ZNF469: variants seen among roughly 807,000 people sequenced by gnomAD.
The protein encoded by ZNF469 is zinc finger protein 469.
ZNF469 carries 1 observed loss-of-function variant against 1.0 expected under a neutral mutation model. The ratio of observed to expected loss-of-function variants is 1.00; its 90% CI spans 0.35 to 4.73. The LOEUF is 4.73. Among genes scored for constraint, ZNF469 ranks in the 30% most tolerant of loss-of-function variants. ZNF469 has a pLI of 0.16. For missense variants in ZNF469, 6,100 were observed against 5,356.3 expected, an observed-to-expected ratio of 1.14 and a Z score of -4.33; for synonymous variants, 2,703 against 2,363.4, an observed-to-expected ratio of 1.14 and a Z score of -4.17.
At chr16:88,166,809 A>G in the ZNF469 span, among the ~76,000 whole-genome samples, 250 of 152,242 alleles carry the variant, frequency 1.6e-3, 2 homozygotes, top group South Asian at 2.1e-3. This position sits in a 1 kb window ranked among gnomAD's most constrained non-coding sequence, Gnocchi z 4.5. Flanking sequence ...ACAAATACAT[A>G]TAAATGTATA....
chr16:88,303,250 TATTA>T, the ZNF469 span, among the ~76,000 whole-genome samples: 6 of 152,376 alleles, frequency 3.9e-5, no homozygotes, highest in Admixed American at 3.3e-4. Context: ...GGTGATCATT[TATTA>T]ATTAATTAAA....
At chr16:88,133,566 C>T in the ZNF469 span, among the ~76,000 whole-genome samples, 1 of 151,766 alleles carries the variant, frequency 6.6e-6, no homozygotes, top group African/African-American at 2.4e-5. Flanking sequence ...ACAGATTTAA[C>T]CAATAAGTTC....
the ZNF469 span, among the ~76,000 whole-genome samples, chr16:88,345,412 G>A: frequency 6.6e-6 from 1 of 152,186 alleles, no homozygotes; most frequent in Admixed American, 6.5e-5. Flanking sequence ...GCTCCGTGTG[G>A]CCCAGGGCTT....
At chr16:88,133,968 G>A in the ZNF469 span, among the ~76,000 whole-genome samples, 4 of 152,148 alleles carry the variant, frequency 2.6e-5, no homozygotes, top group Admixed American at 2.0e-4. Context: ...GGTGGTGGGC[G>A]CCTGTCATCC....
At chr16:88,205,609 C>G in the ZNF469 span, among the ~76,000 whole-genome samples, 2 of 152,152 alleles carry the variant, frequency 1.3e-5, no homozygotes, top group African/African-American at 4.8e-5. This position sits in a 1 kb window ranked among gnomAD's most constrained non-coding sequence, Gnocchi z 4.2. Flanking sequence ...CACACACAAG[C>G]AAAGAGAGGG....
At chr16:88,184,483 T>C in the ZNF469 span, among the ~76,000 whole-genome samples, 2 of 151,854 alleles carry the variant, frequency 1.3e-5, no homozygotes, top group African/African-American at 4.8e-5. Flanking sequence ...TTTCCTCTGC[T>C]CCTGGCGTTC....
chr16:88,170,309 C>T, the ZNF469 span, among the ~76,000 whole-genome samples: 1 of 152,174 alleles, frequency 6.6e-6, no homozygotes. This position sits in a 1 kb window ranked among gnomAD's most constrained non-coding sequence, Gnocchi z 4.2. Flanking sequence ...ATGCTTAGGA[C>T]CTGCTCTTCT....
chr16:88,346,643 G>A, the ZNF469 span, among the ~76,000 whole-genome samples: 16 of 152,190 alleles, frequency 1.1e-4, no homozygotes, highest in South Asian at 1.9e-3. Context: ...TCTGCCTCCC[G>A]AGTAGCTGGG....
chr16:88,225,589 C>G, the ZNF469 span, among the ~76,000 whole-genome samples: 2 of 135,762 alleles, frequency 1.5e-5, no homozygotes, highest in East Asian at 4.3e-4. Context: ...CAGCCTGTGT[C>G]TGTGGCCCCC....
the ZNF469 span, among the ~76,000 whole-genome samples, chr16:88,158,171 G>T: frequency 6.8e-4 from 103 of 152,120 alleles, 1 homozygote; most frequent in East Asian, 0.015. Context: ...TCCCCTGGGG[G>T]TGCTGCTGCT....
At chr16:88,143,074 C>T in the ZNF469 span, among the ~76,000 whole-genome samples, 1 of 152,192 alleles carries the variant, frequency 6.6e-6, no homozygotes, top group African/African-American at 2.4e-5. Context: ...AGATGGGGCC[C>T]CAGGCACTTC....
In ZNF469 at chr16:88,437,552, C is replaced by G; in HGVS notation, c.10082C>G (p.Pro3361Arg). ...KLQRHLAVHS[P>R]QRVYLCPRCP... ...CAGCGCCACCTGGCGGTGCACAGCC[C>G]GCAGCGCGTCTACCTGTGCCCCCGG... is the stretch of plus-strand genomic sequence containing the variant. The change falls in exon 3 of 3, where the codon CCG (proline) becomes CGG (arginine). Residue 3361 changes from proline (P) to arginine (R), a missense_variant. Physicochemically the swap from Pro to Arg is moderately radical, Grantham distance 103 (BLOSUM62 -2). Transcript: ENST00000565624. The G allele has an allele frequency of 6.5e-7, 1 of 1,539,914 alleles. No individual in the cohort carries two copies. The highest frequency in any genetic ancestry group is 8.8e-7 in the Non-Finnish European group (1 of 1,139,644).
the ZNF469 span, among the ~76,000 whole-genome samples, chr16:88,188,678 C>T: frequency 6.6e-6 from 1 of 152,184 alleles, no homozygotes; most frequent in Non-Finnish European, 1.5e-5. Context: ...ATGGCCAGTG[C>T]CACGGGTCTC....
At chr16:88,268,191 A>G in the ZNF469 span, among the ~76,000 whole-genome samples, 1 of 151,872 alleles carries the variant, frequency 6.6e-6, no homozygotes, top group Admixed American at 6.6e-5. Flanking sequence ...AGAATTTTCT[A>G]TTTCTAGGAC....
At chr16:88,248,690 C>T in the ZNF469 span, among the ~76,000 whole-genome samples, 2 of 152,156 alleles carry the variant, frequency 1.3e-5, no homozygotes, top group African/African-American at 4.8e-5. Context: ...CATCATGGAA[C>T]TTTGGAGTTA....
the ZNF469 span, among the ~76,000 whole-genome samples, chr16:88,340,405 G>C: frequency 1.2e-4 from 19 of 152,210 alleles, no homozygotes; most frequent in Admixed American, 1.2e-3. Context: ...GACATGAACA[G>C]GTGTCATGGG....
At chr16:88,166,779 A>ACACACACT in the ZNF469 span, among the ~76,000 whole-genome samples, 2 of 151,418 alleles carry the variant, frequency 1.3e-5, 1 homozygote, top group South Asian at 4.2e-4. This position sits in a 1 kb window ranked among gnomAD's most constrained non-coding sequence, Gnocchi z 4.5. Flanking sequence ...ATAAACACAC[A>ACACACACT]CACACACACA....
chr16:88,438,242 T>C lies in ZNF469; in HGVS notation c.10772T>C (p.Leu3591Pro). 1.3e-6 allele frequency: 2 copies of C among 1,547,224 alleles called. No individual in the cohort carries two copies. Among genetic ancestry groups the C allele is most frequent in the East Asian group, 2.5e-5 (1 of 40,754 alleles). The change falls in exon 3 of 3, where the codon CTC (leucine) becomes CCC (proline). Residue 3591 changes from leucine (L) to proline (P), a missense_variant. By Grantham distance (98) the Leu-to-Pro change is moderately conservative. Coordinates refer to ENST00000565624, the MANE Select transcript of ZNF469 (RefSeq NM_001367624.2). ...EASPGSPGPLLQQALPLGASL... is the reference protein window; with the variant it reads ...EASPGSPGPLPQQALPLGASL... The stretch of plus-strand genomic sequence containing the variant: ...TCCCCAGGCAGCCCCGGGCCTCTTC[T>C]CCAGCAAGCTCTCCCTCTGGGGGCA...
Position 88,431,205 on chromosome 16 carries a change from G to C in ZNF469, c.3735G>C (p.Leu1245Phe), listed in dbSNP as rs1906152468. The change falls in exon 3 of 3, where the codon TTG (leucine) becomes TTC (phenylalanine). Residue 1245 changes from leucine (L) to phenylalanine (F), a missense_variant. Physicochemically the swap from Leu to Phe is conservative, Grantham distance 22 (BLOSUM62 0). Transcript: ENST00000565624. Reference protein sequence around the residue: ...APDSTEFTEALRSPPAACAGE... With the variant: ...APDSTEFTEAFRSPPAACAGE... The stretch of plus-strand genomic sequence containing the variant: ...ACAGCACAGAATTCACAGAGGCTTT[G>C]CGTTCTCCTCCAGCCGCCTGTGCGG... The C allele has an allele frequency of 6.5e-7, 1 of 1,550,362 alleles. No homozygotes were observed.
Sources: gnomAD v4.1 joint callset for allele counts (sites outside exome capture counted in the v4.1 genomes callset) on GRCh38, gnomAD v4.1.1 for gene constraint, Gnocchi (gnomAD v3.1) non-coding constraint, MANE v1.5 for transcripts, NCBI Gene and HGNC (gene_info 2026-07-23, HGNC 2026-07-21) for gene names.